PKNOX1: variants seen among roughly 807,000 people sequenced by gnomAD.
PKNOX1 encodes the protein PBX/knotted 1 homeobox 1.
A neutral mutation model predicts 51.9 loss-of-function variants in PKNOX1; 15 were observed. The ratio of observed to expected loss-of-function variants is 0.29; its 90% CI spans 0.19 to 0.45. The LOEUF is 0.45. PKNOX1 is among the 20% of genes least tolerant of loss of function. PKNOX1 has a pLI of 1.00. For synonymous variants in PKNOX1, 219 were observed against 211.1 expected, an observed-to-expected ratio of 1.04 and a Z score of -0.32; for missense variants, 462 against 547.5, an observed-to-expected ratio of 0.84 and a Z score of 1.56.
At chr21:43,000,998 G>A (rs1978728387) in intron 1 of PKNOX1, among the ~76,000 whole-genome samples, 1 of 152,204 alleles carries the variant, frequency 6.6e-6, no homozygotes, top group South Asian at 2.1e-4. Flanking sequence ...TGATGGCGCT[G>A]AATTAGAGCC....
chr21:42,980,776 A>G (rs2059021957), intron 1 of PKNOX1, among the ~76,000 whole-genome samples: 1 of 152,094 alleles, frequency 6.6e-6, no homozygotes. Context: ...TTTTTGTGAC[A>G]CTCTAATGCT....
At chr21:43,023,517 C>T (rs955298818) in intron 8 of PKNOX1, among the ~76,000 whole-genome samples, 78 of 152,162 alleles carry the variant, frequency 5.1e-4, no homozygotes, top group Admixed American at 4.6e-3. Flanking sequence ...GAGTAAATGT[C>T]GTGTTGGTTT....
chr21:43,010,731 G>A (rs1979213600), intron 4 of PKNOX1, among the ~76,000 whole-genome samples: 1 of 151,934 alleles, frequency 6.6e-6, no homozygotes, highest in Non-Finnish European at 1.5e-5. Flanking sequence ...AGGCATGGTG[G>A]CACATGCCTG....
At chr21:42,996,284 G>A (rs539539603) in intron 1 of PKNOX1, among the ~76,000 whole-genome samples, 1 of 152,118 alleles carries the variant, frequency 6.6e-6, no homozygotes, top group Non-Finnish European at 1.5e-5. Flanking sequence ...ATTGTGTAGT[G>A]GGGGAGACCT....
In PKNOX1 at chr21:43,021,292, A is replaced by C. The variant is rs748707372; in HGVS notation, c.721-11A>C. 6.3e-7 allele frequency: 1 copy of C among 1,582,870 alleles called. No homozygotes were observed. The highest frequency in any genetic ancestry group is 1.8e-5 in the Admixed American group (1 of 55,770). On this transcript the variant is annotated splice_polypyrimidine_tract_variant and intron_variant, in intron 7 of 10. Coordinates refer to ENST00000291547, the MANE Select transcript of PKNOX1 (RefSeq NM_004571.5). The surrounding 1 kb of genome is among the most constrained non-coding windows in gnomAD (Gnocchi z 4.6). Reference sequence around the variant, plus strand: ...CCTATGCTTTCTAATGTTATTTTTCAACTTTAAAAGCTTCAGTTACAGTTA... The same window carrying C: ...CCTATGCTTTCTAATGTTATTTTTCCACTTTAAAAGCTTCAGTTACAGTTA...
Position 43,028,757 on chromosome 21 carries a change from G to T in PKNOX1, c.982G>T (p.Glu328Ter). The T allele has an allele frequency of 6.2e-7, 1 of 1,614,132 alleles. No homozygotes were observed. The highest frequency in any genetic ancestry group is 1.7e-5 in the Admixed American group (1 of 60,022). Residue 328 changes from glutamate (E) to a stop codon, truncating the protein, a stop_gained, in exon 10 of 11, where the codon GAG becomes TAG. Transcript: ENST00000291547. LOFTEE classifies it high-confidence loss of function. ...GCCAATGTTGGATTCAAGTTGTTCA[G>T]AGACCCCCAAAACAAAGAAAAAAAC... is the stretch of plus-strand genomic sequence containing the variant. ...LQPMLDSSCS[E>*]TPKTKKKTAQ...
chr21:42,987,404 A>AAATATATATATATATATATAT, intron 1 of PKNOX1, among the ~76,000 whole-genome samples: 2 of 41,402 alleles, frequency 4.8e-5, no homozygotes, highest in Non-Finnish European at 9.6e-5. Flanking sequence ...AAAAAAAAAA[A>AAATATATATATATATATATAT]ATATATATAT....
chr21:43,013,269 C>G lies in PKNOX1; in HGVS notation c.522+31C>G, dbSNP rs771614460. The G allele has an allele frequency of 2.0e-6, 3 of 1,512,436 alleles. No individual in the cohort carries two copies. The Admixed American group carries it at 6.0e-5, about 30-fold the overall frequency. The allele number at this position is 1,512,436 out of a possible 1,614,324, so 93.7% of individuals were successfully genotyped here. Reference sequence around the variant, plus strand: ...TACATTTGGGGGTCTCGCTTTCCCTCTCTGCCACTGTGAACATCTGCATTG... The same window carrying G: ...TACATTTGGGGGTCTCGCTTTCCCTGTCTGCCACTGTGAACATCTGCATTG... On this transcript the variant is annotated intron_variant, in intron 5 of 10. Coordinates refer to ENST00000291547, the MANE Select transcript of PKNOX1 (RefSeq NM_004571.5).
chr21:43,018,149 G>C lies in PKNOX1; in HGVS notation c.639G>C (p.Gln213His), dbSNP rs764593911. 1.9e-6 allele frequency: 3 copies of C among 1,609,428 alleles called. No individual in the cohort carries two copies. The Admixed American group carries it at 5.0e-5, about 27-fold the overall frequency. The change falls in exon 7 of 11, where the codon CAG becomes CAC. Residue 213 changes from glutamine to histidine, a missense_variant. Gln to His is a conservative substitution (Grantham distance 24, BLOSUM62 0). Coordinates refer to ENST00000291547, the MANE Select transcript of PKNOX1 (RefSeq NM_004571.5). ...MATVAGGTVYQPVTVVTPQGQ... is the reference protein window; with the variant it reads ...MATVAGGTVYHPVTVVTPQGQ... Reference sequence around the variant, plus strand: ...CCTTTCGAGGTGGCACAGTGTATCAGCCTGTCACGGTCGTCACTCCCCAAG... The same window carrying C: ...CCTTTCGAGGTGGCACAGTGTATCACCCTGTCACGGTCGTCACTCCCCAAG...
At chr21:43,017,035 C>G (rs748071361) in intron 6 of PKNOX1, 28 bp downstream of exon 6, 1 of 1,462,780 alleles carries the variant, frequency 6.8e-7, no homozygotes. Context: ...TGGACACACT[C>G]TCCATGAGTT....
intron 1 of PKNOX1, among the ~76,000 whole-genome samples, chr21:42,997,849 A>G (rs955307119): frequency 6.6e-6 from 1 of 152,214 alleles, no homozygotes; most frequent in Admixed American, 6.5e-5. Context: ...AGAACCTGGC[A>G]TGCTGGGGAA....
At chr21:42,985,086 C>G (rs372296354) in intron 1 of PKNOX1, among the ~76,000 whole-genome samples, 2 of 137,750 alleles carry the variant, frequency 1.5e-5, no homozygotes, top group Non-Finnish European at 1.5e-5. Context: ...CTCCCGGGTT[C>G]GAGCGATTCT....
At chr21:43,008,061 TCACA>T (rs56932866) in intron 3 of PKNOX1, among the ~76,000 whole-genome samples, 53,221 of 146,842 alleles carry the variant, frequency 0.36, 11,505 homozygotes, top group Non-Finnish European at 0.47. Flanking sequence ...CAAAACTCTG[TCACA>T]CACACACACA....
At chr21:42,974,931 T>G (rs1203623445) in intron 1 of PKNOX1, among the ~76,000 whole-genome samples, 14 of 137,408 alleles carry the variant, frequency 1.0e-4, no homozygotes, top group Non-Finnish European at 2.2e-4. Context: ...AGTTGGTTTC[T>G]TAGTGTGGGT....
At position 43,018,039 on chromosome 21, in the gene PKNOX1, T is replaced by C. The variant is rs914925045; in HGVS notation, c.623-94T>C. The C allele has an allele frequency of 4.2e-5, 26 of 619,240 alleles. No individual in the cohort carries two copies. The African/African-American group carries it at 7.2e-4, about 17-fold the overall frequency. The allele number at this position is 619,240 out of a possible 1,614,324, so 38.4% of individuals were successfully genotyped here. A position where few individuals can be genotyped will look rare whatever the true frequency, so the allele number is the denominator to read the frequency against. ...AGCCTGGGCAACAAAGCAATGTCCC[T>C]GTCTCTACAAAAAAAAAAAAAAAAA... On this transcript the variant is annotated intron_variant, in intron 6 of 10. Transcript: ENST00000291547.
At chr21:42,978,779 C>A (rs775139585) in intron 1 of PKNOX1, among the ~76,000 whole-genome samples, 1 of 151,638 alleles carries the variant, frequency 6.6e-6, no homozygotes. Context: ...CCACCGCACC[C>A]AGCCCTTTTT....
At chr21:43,007,678 G>C in intron 3 of PKNOX1, 60 bp downstream of exon 3, 1 of 1,594,022 alleles carries the variant, frequency 6.3e-7, no homozygotes, top group Admixed American at 1.7e-5. Context: ...CCACAAGTTT[G>C]TTAAAAGGAA....
intron 4 of PKNOX1, among the ~76,000 whole-genome samples, chr21:43,011,887 C>T (rs1979271089): frequency 6.6e-6 from 1 of 152,118 alleles, no homozygotes; most frequent in Non-Finnish European, 1.5e-5. Context: ...GGTGAGGATC[C>T]GATGCTCTCT....
chr21:42,993,554 T>C (rs1978335822), intron 1 of PKNOX1, among the ~76,000 whole-genome samples: 1 of 151,716 alleles, frequency 6.6e-6, no homozygotes, highest in African/African-American at 2.4e-5. Flanking sequence ...TAAAACTTTA[T>C]GCATTTTTGG....
Sources: gnomAD v4.1 joint callset for allele counts (sites outside exome capture counted in the v4.1 genomes callset) on GRCh38, gnomAD v4.1.1 for gene constraint, Gnocchi (gnomAD v3.1) non-coding constraint, MANE v1.5 for transcripts, NCBI Gene and HGNC (gene_info 2026-07-23, HGNC 2026-07-21) for gene names.